ASCC3: variants seen among roughly 807,000 people sequenced by gnomAD.
ASCC3 encodes the protein ASC-1 complex subunit P200.
A neutral mutation model predicts 256.3 loss-of-function variants in ASCC3; 158 were observed. That is an observed-to-expected ratio of 0.62 (90% CI 0.54 to 0.70). The LOEUF is 0.70. ASCC3 is among the 30% of genes least tolerant of loss of function. The pLI, the probability that ASCC3 is intolerant of heterozygous loss-of-function variation, is 0.00. For missense variants in ASCC3, 2,259 were observed against 2,626.0 expected, an observed-to-expected ratio of 0.86 and a Z score of 3.05; for synonymous variants, 948 against 883.4, an observed-to-expected ratio of 1.07 and a Z score of -1.30.
intron 37 of ASCC3, among the ~76,000 whole-genome samples, chr6:100,534,228 C>A (rs1017998846): frequency 6.6e-6 from 1 of 152,160 alleles, no homozygotes; most frequent in South Asian, 2.1e-4. Flanking sequence ...GGAGACAGAG[C>A]AAGATCCTGT....
At chr6:100,576,750 T>G (rs977801590) in intron 36 of ASCC3, among the ~76,000 whole-genome samples, 2 of 151,948 alleles carry the variant, frequency 1.3e-5, no homozygotes, top group African/African-American at 4.8e-5. Flanking sequence ...AGGAGATTAG[T>G]GAAGAGAAAG....
At chr6:100,713,709 T>TA (rs1217020603) in intron 13 of ASCC3, among the ~76,000 whole-genome samples, 1 of 152,064 alleles carries the variant, frequency 6.6e-6, no homozygotes, top group Non-Finnish European at 1.5e-5. Flanking sequence ...AAACTTCTCT[T>TA]AAAAAAACTG....
chr6:100,811,926 T>C (rs1770489355), intron 4 of ASCC3, among the ~76,000 whole-genome samples: 1 of 152,180 alleles, frequency 6.6e-6, no homozygotes, highest in Non-Finnish European at 1.5e-5. Flanking sequence ...GAGAAATTTA[T>C]GTCCCCACAA....
chr6:100,642,444 A>G, intron 24 of ASCC3, 137 bp downstream of exon 24: 1 of 894,348 alleles, frequency 1.1e-6, no homozygotes, highest in East Asian at 2.6e-5. Context: ...TGAATGACAA[A>G]TGAAATAAAA....
intron 1 of ASCC3, among the ~76,000 whole-genome samples, chr6:100,871,152 G>A (rs1403872869): frequency 1.3e-5 from 2 of 151,650 alleles, no homozygotes; most frequent in African/African-American, 4.8e-5. Context: ...CTGGAGTGCA[G>A]TGGCGTGATC....
intron 34 of ASCC3, among the ~76,000 whole-genome samples, chr6:100,592,517 A>G (rs913592124): frequency 6.6e-6 from 1 of 152,112 alleles, no homozygotes; most frequent in African/African-American, 2.4e-5. Flanking sequence ...GTGAGACACT[A>G]TAAAATAATT....
chr6:100,733,463 C>T (rs1780005275), intron 10 of ASCC3, among the ~76,000 whole-genome samples: 1 of 152,112 alleles, frequency 6.6e-6, no homozygotes, highest in Non-Finnish European at 1.5e-5. Flanking sequence ...GAGCCTGGAA[C>T]CTACCCACCA....
intron 4 of ASCC3, among the ~76,000 whole-genome samples, chr6:100,843,848 T>C (rs964309589): frequency 6.6e-6 from 1 of 152,002 alleles, no homozygotes; most frequent in Non-Finnish European, 1.5e-5. Flanking sequence ...AAGGCATAGA[T>C]AAAAATTTAT....
chr6:100,849,425 T>A (rs705596), intron 3 of ASCC3, among the ~76,000 whole-genome samples: 107,318 of 151,966 alleles, frequency 0.71, 38,129 homozygotes, highest in East Asian at 0.75. Context: ...AAACCTCAAA[T>A]ATCTATAATT....
chr6:100,766,513 A>G, intron 10 of ASCC3, 52 bp downstream of exon 10: 2 of 1,543,068 alleles, frequency 1.3e-6, no homozygotes, highest in South Asian at 1.1e-5. Flanking sequence ...AATTTTCACA[A>G]TTACCTAAAA....
chr6:100,718,384 T>C lies in ASCC3; in HGVS notation c.1903-133A>G, dbSNP rs1171620431. Reference sequence around the variant, plus strand: ...GTGTAGAGGTCAATTGAGGGTCCTATCATGTCAGACATTGTAGCCCATAAT... The same window carrying C: ...GTGTAGAGGTCAATTGAGGGTCCTACCATGTCAGACATTGTAGCCCATAAT... On this transcript the variant is annotated intron_variant, in intron 11 of 41. Coordinates refer to ENST00000369162, the MANE Select transcript of ASCC3 (RefSeq NM_006828.4). 1.1e-5 allele frequency: 7 copies of C among 661,148 alleles called. No homozygotes were observed. In the African/African-American group the frequency reaches 1.1e-4, roughly 10 times the overall value. 41.0% of individuals were successfully genotyped at this position (661,148 alleles called of 1,614,324 possible).
intron 5 of ASCC3, among the ~76,000 whole-genome samples, chr6:100,805,034 A>C (rs1306448303): frequency 1.3e-5 from 2 of 152,098 alleles, no homozygotes; most frequent in African/African-American, 4.8e-5. Flanking sequence ...GGATAACAAA[A>C]ATGCAGTACA....
chr6:100,590,038 C>T lies in ASCC3; in HGVS notation c.5325G>A (p.Val1775=). The part of the protein sequence containing the change: ...MNPSYYNLGD[V]SHDSVNKFLS... ...GAAACTTGTTCACAGAATCATGGCT[C>T]ACATCACCCAAATTGTAATAGCTAG... is the stretch of plus-strand genomic sequence containing the variant. The change falls in exon 35 of 42, where the codon GTG becomes GTA. Residue 1775 remains valine (V), a synonymous_variant. Coordinates refer to ENST00000369162, the MANE Select transcript of ASCC3 (RefSeq NM_006828.4). 1 of 1,613,164 alleles carries T rather than the reference C, an allele frequency of 6.2e-7. No individual in the cohort carries two copies. The highest frequency in any genetic ancestry group is 8.5e-7 in the Non-Finnish European group (1 of 1,179,306).
chr6:100,640,135 A>G (rs1775048203), intron 24 of ASCC3, among the ~76,000 whole-genome samples: 2 of 152,140 alleles, frequency 1.3e-5, no homozygotes, highest in Non-Finnish European at 2.9e-5. Flanking sequence ...TAAAATGAAT[A>G]AAAAATAATA....
intron 13 of ASCC3, among the ~76,000 whole-genome samples, chr6:100,690,430 T>TA (rs1347150492): frequency 1.3e-5 from 2 of 151,982 alleles, no homozygotes; most frequent in African/African-American, 2.4e-5. Flanking sequence ...TGGATAAAGG[T>TA]AAAAAAATTG....
chr6:100,660,405 G>T (rs1776135579), intron 16 of ASCC3, among the ~76,000 whole-genome samples: 1 of 151,472 alleles, frequency 6.6e-6, no homozygotes, highest in African/African-American at 2.4e-5. Context: ...TATATTAAGA[G>T]ACTTTGTTCT....
At chr6:100,821,592 G>T (rs1771046742) in intron 4 of ASCC3, among the ~76,000 whole-genome samples, 1 of 152,164 alleles carries the variant, frequency 6.6e-6, no homozygotes, top group Admixed American at 6.5e-5. Flanking sequence ...TTGGGAGGCT[G>T]AGGTGGGTGG....
intron 10 of ASCC3, among the ~76,000 whole-genome samples, chr6:100,748,431 A>G (rs568876990): frequency 6.6e-6 from 1 of 152,248 alleles, no homozygotes; most frequent in East Asian, 1.9e-4. Context: ...AAATAATAAC[A>G]GTAAAACAAG....
intron 30 of ASCC3, among the ~76,000 whole-genome samples, chr6:100,615,228 C>T (rs1176583322): frequency 6.6e-6 from 1 of 152,120 alleles, no homozygotes; most frequent in East Asian, 1.9e-4. Flanking sequence ...CCAACTCGGC[C>T]TCCTGCAGTG....
Sources: gnomAD v4.1 joint callset for allele counts (sites outside exome capture counted in the v4.1 genomes callset) on GRCh38, gnomAD v4.1.1 for gene constraint, MANE v1.5 for transcripts, NCBI Gene and HGNC (gene_info 2026-07-23, HGNC 2026-07-21) for gene names.